TMEM132D: variants seen among roughly 807,000 people sequenced by gnomAD.
TMEM132D encodes transmembrane protein 132D.
In TMEM132D, 21 loss-of-function variants were observed where a neutral mutation model predicts 62.3. The ratio of observed to expected loss-of-function variants is 0.34; its 90% CI spans 0.24 to 0.49. The LOEUF is 0.49. Among genes scored for constraint, TMEM132D ranks in the 20% least tolerant of loss-of-function variants. The probability of loss-of-function intolerance (pLI) is 0.99; values close to 1 mark genes in which losing one functional copy is unlikely to be tolerated. For missense variants in TMEM132D, 1,346 were observed against 1,402.8 expected (o/e 0.96, Z 0.65); for synonymous variants, 621 against 575.6 (o/e 1.08, Z -1.13).
chr12:129,473,318 G>GTTTTTTTTTTTTTTTTTTTTT lies in TMEM132D; in HGVS notation c.1115+57740_1115+57741insAAAAAAAAAAAAAAAAAAAAA, dbSNP rs1441231858. Among the ~76,000 whole-genome samples, 3 of 57,760 alleles carry GTTTTTTTTTTTTTTTTTTTTT rather than the reference G, an allele frequency of 5.2e-5. 1 individual carries two copies. The highest frequency in any genetic ancestry group is 6.7e-5 in the Non-Finnish European group (2 of 29,682). The allele number at this position is 57,760 out of a possible 152,430, so 37.9% of individuals were successfully genotyped here. ...AGTTTTTGGCAATAAAGTGATTTTAGTTTTTGTTTTTTTTTTTTTTTTTTT... is the reference window on the plus strand; with the variant it reads ...AGTTTTTGGCAATAAAGTGATTTTAGTTTTTTTTTTTTTTTTTTTTTTTTTTGTTTTTTTTTTTTTTTTTTT... On this transcript the variant is annotated intron_variant, in intron 3 of 8. Coordinates refer to ENST00000422113, the MANE Select transcript of TMEM132D (RefSeq NM_133448.3).
At chr12:129,497,817 G>A (rs1440639156) in intron 3 of TMEM132D, among the ~76,000 whole-genome samples, 1 of 152,008 alleles carries the variant, frequency 6.6e-6, no homozygotes, top group Non-Finnish European at 1.5e-5. Flanking sequence ...ACACTACCAT[G>A]CCCAGCTAAT....
intron 1 of TMEM132D, among the ~76,000 whole-genome samples, chr12:129,770,140 G>GTTTT (rs375230592): frequency 0.05 from 5,166 of 103,712 alleles, 334 homozygotes; most frequent in Non-Finnish European, 0.055. Flanking sequence ...GGTTTTTTTG[G>GTTTT]TTGTTTTTTT....
At chr12:129,523,129 GAC>G (rs907112297) in intron 3 of TMEM132D, among the ~76,000 whole-genome samples, 2 of 149,582 alleles carry the variant, frequency 1.3e-5, no homozygotes, top group African/African-American at 2.5e-5. Context: ...CACACACACA[GAC>G]ACACACACTT....
intron 3 of TMEM132D, among the ~76,000 whole-genome samples, chr12:129,439,025 T>C (rs1441591677): frequency 6.6e-6 from 1 of 152,210 alleles, no homozygotes. Flanking sequence ...CCTCCAGGTT[T>C]TATGCCCAGC....
intron 1 of TMEM132D, among the ~76,000 whole-genome samples, chr12:129,805,765 A>G (rs1871960024): frequency 6.7e-6 from 1 of 149,182 alleles, no homozygotes; most frequent in Admixed American, 6.7e-5. Flanking sequence ...AACCTACAGA[A>G]TGGGAGAAAA....
At chr12:129,425,247 A>T (rs1047035447) in intron 3 of TMEM132D, among the ~76,000 whole-genome samples, 1 of 152,134 alleles carries the variant, frequency 6.6e-6, no homozygotes, top group Non-Finnish European at 1.5e-5. Context: ...CTGTAATTTC[A>T]TCTGTTGTGC....
At chr12:129,896,537 C>T (rs1008394486) in intron 1 of TMEM132D, among the ~76,000 whole-genome samples, 1 of 152,200 alleles carries the variant, frequency 6.6e-6, no homozygotes, top group Non-Finnish European at 1.5e-5. Context: ...AAAATGCAAA[C>T]AAACAAATAA....
At chr12:129,397,737 T>C (rs11838136) in intron 3 of TMEM132D, among the ~76,000 whole-genome samples, 12,134 of 152,248 alleles carry the variant, frequency 0.08, 1,145 homozygotes, top group African/African-American at 0.24. Flanking sequence ...AGCTTTTCTT[T>C]CCAAAGTTTT....
chr12:129,854,457 A>C (rs1873651893), intron 1 of TMEM132D: 1 of 152,240 alleles, frequency 6.6e-6, no homozygotes, highest in Non-Finnish European at 1.5e-5. Flanking sequence ...CAAGTGGGGC[A>C]AGAAAATCAT....
intron 1 of TMEM132D, among the ~76,000 whole-genome samples, chr12:129,882,258 A>G (rs780375955): frequency 8.5e-5 from 13 of 152,128 alleles, no homozygotes; most frequent in Non-Finnish European, 1.6e-4. Flanking sequence ...AATACTCCTC[A>G]TCTCTTTTAC....
chr12:129,299,497 A>G (rs1239021600), intron 4 of TMEM132D, among the ~76,000 whole-genome samples: 2 of 151,148 alleles, frequency 1.3e-5, no homozygotes, highest in Non-Finnish European at 2.9e-5. Context: ...TCCAAAGCAC[A>G]TATGGGTTAC....
chr12:129,234,527 G>C (rs186353477), intron 4 of TMEM132D, among the ~76,000 whole-genome samples: 1 of 152,114 alleles, frequency 6.6e-6, no homozygotes, highest in Non-Finnish European at 1.5e-5. Context: ...AAAAAGCTAC[G>C]TTTCTCCACA....
At chr12:129,731,744 G>A (rs1410635015) in intron 1 of TMEM132D, among the ~76,000 whole-genome samples, 1 of 151,876 alleles carries the variant, frequency 6.6e-6, no homozygotes, top group Non-Finnish European at 1.5e-5. Context: ...CTCACTGCAA[G>A]CTCCGCCTCC....
At chr12:129,732,418 G>T (rs1204514704) in intron 1 of TMEM132D, among the ~76,000 whole-genome samples, 2 of 152,144 alleles carry the variant, frequency 1.3e-5, no homozygotes, top group Admixed American at 6.5e-5. Flanking sequence ...CGTTGAATTG[G>T]CATCCCCAGT....
At chr12:129,335,941 G>C (rs955418011) in intron 4 of TMEM132D, among the ~76,000 whole-genome samples, 3 of 152,176 alleles carry the variant, frequency 2.0e-5, no homozygotes, top group African/African-American at 7.2e-5. Flanking sequence ...TTGCTGGTCT[G>C]CAGAATATAG....
chr12:129,249,468 C>G lies in TMEM132D; in HGVS notation c.1300-39805G>C, dbSNP rs142561627. On this transcript the variant is annotated intron_variant, in intron 4 of 8. Coordinates refer to ENST00000422113, the MANE Select transcript of TMEM132D (RefSeq NM_133448.3). ...GATGCACAGACAAGAAAGAAGGGAACAGAGAACACGCAGTGAGGGAATGAG... is the reference window on the plus strand; with the variant it reads ...GATGCACAGACAAGAAAGAAGGGAAGAGAGAACACGCAGTGAGGGAATGAG... Among the ~76,000 whole-genome samples the G allele has an allele frequency of 7.5e-3, 1,149 of 152,304 alleles. 11 individuals are homozygous for G. The highest frequency in any genetic ancestry group is 0.014 in the Middle Eastern group (4 of 294).
chr12:129,155,872 A>G (rs573680983), intron 5 of TMEM132D, among the ~76,000 whole-genome samples: 1 of 151,994 alleles, frequency 6.6e-6, no homozygotes, highest in Non-Finnish European at 1.5e-5. Flanking sequence ...AATATAATGA[A>G]TCCACTCCCC....
intron 2 of TMEM132D, among the ~76,000 whole-genome samples, chr12:129,694,052 T>G (rs77230665): frequency 0.022 from 3,336 of 152,304 alleles, 168 homozygotes; most frequent in South Asian, 0.13. Flanking sequence ...TATACTAAAC[T>G]TCACTTTCAA....
At chr12:129,154,904 G>A (rs1301442585) in intron 5 of TMEM132D, among the ~76,000 whole-genome samples, 2 of 152,058 alleles carry the variant, frequency 1.3e-5, no homozygotes, top group Admixed American at 1.3e-4. Flanking sequence ...CTCTGTGCAC[G>A]CCACTGAAAA....
Sources: gnomAD v4.1 joint callset for allele counts (sites outside exome capture counted in the v4.1 genomes callset) on GRCh38, gnomAD v4.1.1 for gene constraint, MANE v1.5 for transcripts, NCBI Gene and HGNC (gene_info 2026-07-23, HGNC 2026-07-21) for gene names.